Variants in FHIT observed in about 807,000 individuals in gnomAD.
FHIT encodes the protein bis(5'-adenosyl)-triphosphatase.
FHIT carries 19 observed loss-of-function variants against 17.9 expected under a neutral mutation model. That is an observed-to-expected ratio of 1.06 (90% confidence interval 0.74 to 1.56). The LOEUF (loss-of-function observed/expected upper bound fraction) is 1.56. Ranked by LOEUF, FHIT falls within the 40% of genes most tolerant of loss-of-function variation. The pLI is 0.00. For missense variants in FHIT, 248 were observed against 189.2 expected, an observed-to-expected ratio of 1.31 and a Z score of -1.82; for synonymous variants, 81 against 69.7, an observed-to-expected ratio of 1.16 and a Z score of -0.81.
intron 4 of FHIT, among the ~76,000 whole-genome samples, chr3:60,699,073 A>G (rs1458694718): frequency 1.3e-5 from 2 of 152,146 alleles, no homozygotes; most frequent in African/African-American, 4.8e-5. Context: ...AATTTTCATT[A>G]CACCTTTTAA....
chr3:60,423,714 T>C (rs1702559489), intron 5 of FHIT, among the ~76,000 whole-genome samples: 1 of 152,176 alleles, frequency 6.6e-6, no homozygotes. Context: ...CAACTCCTTC[T>C]ACCAGTCCTG....
At chr3:60,600,362 T>TGTCC in intron 4 of FHIT, among the ~76,000 whole-genome samples, 1 of 151,940 alleles carries the variant, frequency 6.6e-6, no homozygotes, top group East Asian at 1.9e-4. Flanking sequence ...TTTTCATTTG[T>TGTCC]GTAAGAAAAA....
chr3:59,978,820 A>T (rs13072228), intron 7 of FHIT, among the ~76,000 whole-genome samples: 71,690 of 151,042 alleles, frequency 0.47, 18,189 homozygotes, highest in Middle Eastern at 0.61. Flanking sequence ...ACCTTAAAAA[A>T]AGGCTAAAAC....
In FHIT at chr3:61,128,774, G is replaced by GT. The variant is rs1017811885; in HGVS notation, c.-164+71842dup. ...ACTTATCTTGTGAAAAAACAAGGTT[G>GT]TTTTTTTTTTTCTTAATTCTCAATG... On this transcript the variant is annotated intron_variant, in intron 2 of 9. Transcript: ENST00000492590. Among the ~76,000 whole-genome samples, 1,208 of 146,210 alleles carry GT rather than the reference G, an allele frequency of 8.3e-3. 19 individuals are homozygous for GT. Among genetic ancestry groups the GT allele is most frequent in the African/African-American group, 0.027 (1,087 of 40,056 alleles).
At chr3:60,076,728 T>G (rs908529147) in intron 5 of FHIT, among the ~76,000 whole-genome samples, 2 of 152,022 alleles carry the variant, frequency 1.3e-5, no homozygotes, top group African/African-American at 4.8e-5. Flanking sequence ...AATAATTATT[T>G]TAAAATTAAT....
chr3:60,935,642 G>C (rs868981288), intron 3 of FHIT, among the ~76,000 whole-genome samples: 2 of 152,170 alleles, frequency 1.3e-5, no homozygotes, highest in South Asian at 2.1e-4. Context: ...TGCATCCGTC[G>C]ATAACTTCTC....
intron 4 of FHIT, among the ~76,000 whole-genome samples, chr3:60,651,919 TA>T (rs2040000389): frequency 6.6e-6 from 1 of 152,196 alleles, no homozygotes; most frequent in South Asian, 2.1e-4. Context: ...AAATACTTTC[TA>T]AATGATACTA....
At position 60,848,911 on chromosome 3, in the gene FHIT, C is replaced by A. The variant is rs540563841; in HGVS notation, c.-110-26900G>T. Among the ~76,000 whole-genome samples the A allele has an allele frequency of 1.1e-4, 16 of 152,160 alleles. 1 individual carries two copies. In the South Asian group the frequency reaches 3.3e-3, roughly 32 times the overall value. On this transcript the variant is annotated intron_variant, in intron 3 of 9. Coordinates refer to ENST00000492590, the MANE Select transcript of FHIT (RefSeq NM_002012.4). ...TCTACATACTTGAGAAGTTACTAAA[C>A]ACTTTAAAATTGAAATTGAAAACTA...
At chr3:60,298,976 G>T (rs1708332923) in intron 5 of FHIT, among the ~76,000 whole-genome samples, 1 of 152,026 alleles carries the variant, frequency 6.6e-6, no homozygotes, top group Admixed American at 6.6e-5. Flanking sequence ...ATCTTCCTTT[G>T]AATGTAGCAA....
At chr3:60,312,499 G>A (rs7644138) in intron 5 of FHIT, among the ~76,000 whole-genome samples, 19,269 of 152,068 alleles carry the variant, frequency 0.13, 1,278 homozygotes, top group South Asian at 0.16. Context: ...AACTCCATTA[G>A]AACTAACCCA....
chr3:60,656,491 C>G (rs782583377), intron 4 of FHIT, among the ~76,000 whole-genome samples: 32 of 152,064 alleles, frequency 2.1e-4, no homozygotes, highest in Non-Finnish European at 4.1e-4. Context: ...ATTGGGGCAC[C>G]TCTACAGACT....
chr3:60,354,296 T>A (rs2106957565), intron 5 of FHIT, among the ~76,000 whole-genome samples: 1 of 152,298 alleles, frequency 6.6e-6, no homozygotes, highest in Admixed American at 6.5e-5. Context: ...GTGACTTACT[T>A]TATTATTCCT....
At chr3:60,775,839 G>A (rs1257439631) in intron 4 of FHIT, among the ~76,000 whole-genome samples, 16 of 152,128 alleles carry the variant, frequency 1.1e-4, no homozygotes, top group African/African-American at 2.9e-4. Flanking sequence ...CTGGTTCCCC[G>A]TCACTCCTGG....
chr3:61,110,356 C>T (rs1026709492), intron 2 of FHIT, among the ~76,000 whole-genome samples: 3 of 152,136 alleles, frequency 2.0e-5, no homozygotes, highest in African/African-American at 7.2e-5. Flanking sequence ...TTCCTTACTC[C>T]AGTCACATCT....
intron 4 of FHIT, among the ~76,000 whole-genome samples, chr3:60,650,345 A>G (rs782548546): frequency 6.6e-6 from 1 of 152,080 alleles, no homozygotes; most frequent in Non-Finnish European, 1.5e-5. Context: ...AGGACCTTAG[A>G]GATCACCCCA....
At chr3:59,987,358 T>C (rs1256120475) in intron 7 of FHIT, among the ~76,000 whole-genome samples, 1 of 151,848 alleles carries the variant, frequency 6.6e-6, no homozygotes, top group Non-Finnish European at 1.5e-5. Flanking sequence ...GGATGATCTA[T>C]TAGTTCATCG....
chr3:59,945,241 T>C (rs1365584929), intron 7 of FHIT, among the ~76,000 whole-genome samples: 3 of 152,186 alleles, frequency 2.0e-5, no homozygotes, highest in East Asian at 3.9e-4. Context: ...TGGTATCTTA[T>C]TGTGTTTTTG....
intron 7 of FHIT, among the ~76,000 whole-genome samples, chr3:59,926,564 T>C (rs1349849970): frequency 6.6e-6 from 1 of 152,172 alleles, no homozygotes; most frequent in Non-Finnish European, 1.5e-5. Context: ...AGGACTCAAT[T>C]TAAGGCTGTA....
chr3:60,662,503 G>A (rs782184638), intron 4 of FHIT, among the ~76,000 whole-genome samples: 9 of 152,136 alleles, frequency 5.9e-5, no homozygotes, highest in Non-Finnish European at 1.3e-4. Flanking sequence ...TTTTTGCTTA[G>A]TCTTGCTTTG....
Sources: allele counts gnomAD v4.1 joint callset (sites outside exome capture counted in the v4.1 genomes callset), GRCh38; gene constraint gnomAD v4.1.1; transcripts MANE v1.5; gene names NCBI Gene and HGNC (gene_info 2026-07-23, HGNC 2026-07-21).